Variants in PSMB2 observed in about 807,000 individuals in gnomAD.
The protein encoded by PSMB2 is proteasome 20S subunit beta 2.
In PSMB2, 13 loss-of-function variants were observed where a neutral mutation model predicts 25.7. The ratio of observed to expected loss-of-function variants is 0.51; its 90% CI spans 0.33 to 0.80. The LOEUF (loss-of-function observed/expected upper bound fraction) is 0.80. Among genes scored for constraint, PSMB2 ranks in the 30% least tolerant of loss-of-function variants. The pLI, the probability that PSMB2 is intolerant of heterozygous loss-of-function variation, is 0.02. For synonymous variants in PSMB2, 87 were observed against 96.2 expected, an observed-to-expected ratio of 0.90 and a Z score of 0.56; for missense variants, 202 against 259.0, an observed-to-expected ratio of 0.78 and a Z score of 1.51.
rs1376092874 is a variant in PSMB2, at chr1:35,600,310, T to C, written c.*2957A>G. On this transcript the variant is annotated 3_prime_UTR_variant, in exon 6 of 6. Transcript: ENST00000373237. The stretch of plus-strand genomic sequence containing the variant: ...ATATCCTAGAACAGAAGAAAATTAG[T>C]GGAAAAACTGGTAAAATCTGAATAA... 4 of 939,602 alleles carry C rather than the reference T, an allele frequency of 4.3e-6. No individual in the cohort carries two copies. In the African/African-American group the frequency reaches 5.3e-5, roughly 13 times the overall value. The allele number at this position is 939,602 out of a possible 1,614,324, so 58.2% of individuals were successfully genotyped here.
intron 2 of PSMB2, among the ~76,000 whole-genome samples, chr1:35,632,829 G>A (rs796698865): frequency 8.5e-5 from 13 of 152,144 alleles, no homozygotes; most frequent in African/African-American, 3.1e-4. Flanking sequence ...GGGAATTCGA[G>A]GCTGCAATGA....
chr1:35,624,441 T>C (rs751786074), intron 3 of PSMB2, among the ~76,000 whole-genome samples: 6 of 152,144 alleles, frequency 3.9e-5, no homozygotes, highest in Non-Finnish European at 8.8e-5. Context: ...AGTTGAGCTA[T>C]ATGAAGCAGA....
intron 3 of PSMB2, among the ~76,000 whole-genome samples, chr1:35,627,975 T>C (rs760999753): frequency 3.9e-5 from 6 of 152,196 alleles, no homozygotes; most frequent in Admixed American, 1.3e-4. Context: ...AAGTTATACA[T>C]GGTAACTGGC....
chr1:35,631,802 C>T (rs1338470518), intron 2 of PSMB2, among the ~76,000 whole-genome samples: 1 of 152,170 alleles, frequency 6.6e-6, no homozygotes, highest in Non-Finnish European at 1.5e-5. Context: ...GGGAAGATCG[C>T]TTGAGCCCAG....
At chr1:35,632,419 G>A (rs2148577028) in intron 2 of PSMB2, among the ~76,000 whole-genome samples, 1 of 152,356 alleles carries the variant, frequency 6.6e-6, no homozygotes, top group Non-Finnish European at 1.5e-5. Context: ...ACACAGCAGT[G>A]TGGTTAAGTA....
chr1:35,613,775 C>A (rs1175566896), intron 3 of PSMB2, among the ~76,000 whole-genome samples: 1 of 152,148 alleles, frequency 6.6e-6, no homozygotes, highest in Non-Finnish European at 1.5e-5. Context: ...AAGAGTTGGG[C>A]TGTGACTTTA....
intron 1 of PSMB2, 140 bp downstream of exon 1, chr1:35,641,201 TA>T: frequency 9.0e-7 from 1 of 1,111,862 alleles, no homozygotes; most frequent in Non-Finnish European, 1.3e-6. Flanking sequence ...AAAAAATAAA[TA>T]AATAAATAAA....
chr1:35,627,289 C>T (rs1052667307), intron 3 of PSMB2, among the ~76,000 whole-genome samples: 1 of 122,860 alleles, frequency 8.1e-6, no homozygotes, highest in Non-Finnish European at 1.7e-5. Context: ...AAAAGCACAA[C>T]AAATGATCCC....
chr1:35,607,164 G>C (rs1571121376), intron 4 of PSMB2, among the ~76,000 whole-genome samples: 2 of 152,032 alleles, frequency 1.3e-5, no homozygotes, highest in Non-Finnish European at 2.9e-5. Flanking sequence ...ATGAACACAG[G>C]CAACAAAAGC....
intron 3 of PSMB2, among the ~76,000 whole-genome samples, chr1:35,610,291 T>A (rs1365623944): frequency 6.6e-6 from 1 of 151,888 alleles, no homozygotes; most frequent in Non-Finnish European, 1.5e-5. Context: ...AACTAAAAAA[T>A]TAGCCGGGCA....
chr1:35,630,979 C>A (rs1370704883), intron 3 of PSMB2, among the ~76,000 whole-genome samples: 1 of 151,882 alleles, frequency 6.6e-6, no homozygotes, highest in Non-Finnish European at 1.5e-5. Context: ...TTGCTGTGAA[C>A]CTAACACTGC....
In PSMB2 at chr1:35,602,742, C is replaced by T. The variant is rs1185072467; in HGVS notation, c.*525G>A. ...CGCTCTCTTGACCTCGTGATCCGCC[C>T]GCCTCGGCCTCCCAAAGTGCTGGGA... is the stretch of plus-strand genomic sequence containing the variant. On this transcript the variant is annotated 3_prime_UTR_variant, in exon 6 of 6. Transcript: ENST00000373237. 1.1e-5 allele frequency: 3 copies of T among 264,992 alleles called. No homozygotes were observed. The highest frequency in any genetic ancestry group is 2.3e-5 in the African/African-American group (1 of 43,374). 16.4% of individuals were successfully genotyped at this position (264,992 alleles called of 1,614,324 possible). A position where few individuals can be genotyped will look rare whatever the true frequency, so the allele number is the denominator to read the frequency against.
chr1:35,617,692 G>A (rs895798595), intron 3 of PSMB2, among the ~76,000 whole-genome samples: 1 of 152,202 alleles, frequency 6.6e-6, no homozygotes, highest in Non-Finnish European at 1.5e-5. Context: ...AACAGTATAC[G>A]TGAAGACAAA....
At chr1:35,635,828 CAAAAAAAA>C (rs1163061850) in intron 2 of PSMB2, among the ~76,000 whole-genome samples, 20 of 34,242 alleles carry the variant, frequency 5.8e-4, no homozygotes, top group Non-Finnish European at 5.0e-4. Context: ...GACTCCGTCT[CAAAAAAAA>C]AAAAAAAAAA....
At position 35,622,309 on chromosome 1, in the gene PSMB2, C is replaced by A. The variant is rs189298718; in HGVS notation, c.285+8965G>T. ...GAGTATGTGGGAGGGCATGCCCACA[C>A]CTATGCCTACCCAGACTGGGGCAAG... On this transcript the variant is annotated intron_variant, in intron 3 of 5. Coordinates refer to ENST00000373237, the MANE Select transcript of PSMB2 (RefSeq NM_002794.5). Among the ~76,000 whole-genome samples the A allele has an allele frequency of 4.8e-3, 734 of 152,258 alleles. 9 individuals are homozygous for A. Among genetic ancestry groups the A allele is most frequent in the African/African-American group, 0.016 (678 of 41,564 alleles).
intron 3 of PSMB2, among the ~76,000 whole-genome samples, chr1:35,628,023 CATATAA>C (rs1311885227): frequency 1.3e-5 from 2 of 152,194 alleles, no homozygotes; most frequent in African/African-American, 4.8e-5. Flanking sequence ...CTGGTGTGAC[CATATAA>C]ATATACTAAA....
intron 3 of PSMB2, among the ~76,000 whole-genome samples, chr1:35,617,989 A>C (rs1650556051): frequency 6.6e-6 from 1 of 152,152 alleles, no homozygotes; most frequent in South Asian, 2.1e-4. Flanking sequence ...TAAATAGAAG[A>C]CTTTTAGAAA....
intron 3 of PSMB2, among the ~76,000 whole-genome samples, chr1:35,616,826 T>A (rs188100111): frequency 2.5e-4 from 38 of 152,314 alleles, no homozygotes; most frequent in Non-Finnish European, 4.9e-4. Context: ...TTGGGTGGGT[T>A]TGGTGGTATA....
Position 35,603,129 on chromosome 1 carries a change from C to A in PSMB2, c.*138G>T. 7.0e-7 allele frequency: 1 copy of A among 1,434,770 alleles called. No homozygotes were observed. Among genetic ancestry groups the A allele is most frequent in the Non-Finnish European group, 9.1e-7 (1 of 1,094,526 alleles). The allele number at this position is 1,434,770 out of a possible 1,614,324, so 88.9% of individuals were successfully genotyped here. ...AATATTAGGTAAACTGAGACCTGGACCAGAGGGCTCAATTATATCCATAGT... is the reference window on the plus strand; with the variant it reads ...AATATTAGGTAAACTGAGACCTGGAACAGAGGGCTCAATTATATCCATAGT... On this transcript the variant is annotated 3_prime_UTR_variant, in exon 6 of 6. Transcript: ENST00000373237.
Sources: allele counts gnomAD v4.1 joint callset (sites outside exome capture counted in the v4.1 genomes callset), GRCh38; gene constraint gnomAD v4.1.1; transcripts MANE v1.5; gene names NCBI Gene and HGNC (gene_info 2026-07-23, HGNC 2026-07-21).